Variants in POFUT3 observed in about 807,000 individuals in gnomAD.
The protein encoded by POFUT3 is GDP-fucose protein O-fucosyltransferase 3.
the POFUT3 span, among the ~76,000 whole-genome samples, chr8:33,415,207 A>G: frequency 0.24 from 37,104 of 152,118 alleles, 5,226 homozygotes; most frequent in South Asian, 0.44. Flanking sequence ...GCTTGGAATG[A>G]GCCAAGATCA....
At chr8:33,318,484 T>C in the POFUT3 span, among the ~76,000 whole-genome samples, 1 of 128,984 alleles carries the variant, frequency 7.8e-6, no homozygotes, top group Non-Finnish European at 1.6e-5. Context: ...TTATAATATA[T>C]AATGTACATA....
chr8:33,429,407 A>G, the POFUT3 span, among the ~76,000 whole-genome samples: 1 of 152,202 alleles, frequency 6.6e-6, no homozygotes, highest in African/African-American at 2.4e-5. Context: ...GTGCATAAAG[A>G]CAGAAGTTGT....
chr8:33,329,761 A>G, the POFUT3 span, among the ~76,000 whole-genome samples: 1 of 152,228 alleles, frequency 6.6e-6, no homozygotes, highest in Admixed American at 6.5e-5. Context: ...TGCCATCAGT[A>G]TAACTGTGGG....
chr8:33,432,526 A>C, the POFUT3 span, among the ~76,000 whole-genome samples: 1 of 152,098 alleles, frequency 6.6e-6, no homozygotes, highest in Non-Finnish European at 1.5e-5. Context: ...TTTCCAGGTG[A>C]TTCACATGTA....
chr8:33,420,297 A>C, the POFUT3 span, among the ~76,000 whole-genome samples: 3 of 152,208 alleles, frequency 2.0e-5, no homozygotes, highest in Non-Finnish European at 4.4e-5. Flanking sequence ...AATATACAAA[A>C]AAATGTAATT....
the POFUT3 span, among the ~76,000 whole-genome samples, chr8:33,410,033 G>A: frequency 6.6e-6 from 1 of 152,218 alleles, no homozygotes; most frequent in Non-Finnish European, 1.5e-5. Flanking sequence ...ATAGCTTCTA[G>A]CACAGAGATA....
At chr8:33,466,826 C>T in the POFUT3 span, among the ~76,000 whole-genome samples, 1 of 152,054 alleles carries the variant, frequency 6.6e-6, no homozygotes, top group South Asian at 2.1e-4. Flanking sequence ...GTGATTAGGC[C>T]GGGCATAGTG....
chr8:33,457,722 A>T, the POFUT3 span, among the ~76,000 whole-genome samples: 4 of 152,250 alleles, frequency 2.6e-5, no homozygotes, highest in East Asian at 5.8e-4. Context: ...TTGCTTTAAA[A>T]TACTCCAAAA....
the POFUT3 span, among the ~76,000 whole-genome samples, chr8:33,393,383 G>A: frequency 6.6e-6 from 1 of 152,166 alleles, no homozygotes; most frequent in Admixed American, 6.5e-5. Flanking sequence ...CAGCTAAATA[G>A]ATCTTTGGCA....
chr8:33,325,590 C>G, the POFUT3 span, among the ~76,000 whole-genome samples: 1 of 152,126 alleles, frequency 6.6e-6, no homozygotes, highest in Non-Finnish European at 1.5e-5. Context: ...ATTTCTCTAC[C>G]ACAAAGGGCA....
chr8:33,319,400 T>C, the POFUT3 span, among the ~76,000 whole-genome samples: 9 of 50,258 alleles, frequency 1.8e-4, 2 homozygotes, highest in South Asian at 4.9e-3. Flanking sequence ...TTTTTATATA[T>C]AGTATATATT....
chr8:33,373,237 C>T, the POFUT3 span, among the ~76,000 whole-genome samples: 2 of 152,120 alleles, frequency 1.3e-5, no homozygotes, highest in African/African-American at 4.8e-5. Flanking sequence ...ATACTCATTG[C>T]AAAATGTGTT....
the POFUT3 span, among the ~76,000 whole-genome samples, chr8:33,414,933 C>A: frequency 1.4e-4 from 21 of 151,290 alleles, no homozygotes; most frequent in Non-Finnish European, 2.5e-4. Context: ...TCTCTTCCCC[C>A]ATCACCAAAC....
At chr8:33,398,569 C>A in the POFUT3 span, among the ~76,000 whole-genome samples, 1 of 152,192 alleles carries the variant, frequency 6.6e-6, no homozygotes, top group Admixed American at 6.5e-5. Context: ...TGGTCAAGAT[C>A]TTTTCCTCTT....
chr8:33,460,745 C>A, the POFUT3 span: 30,860 of 984,884 alleles, frequency 0.031, 753 homozygotes, highest in African/African-American at 0.11. Context: ...CTGCCTGACA[C>A]GTCCATTCAC....
At chr8:33,331,705 T>C in the POFUT3 span, among the ~76,000 whole-genome samples, 1 of 151,492 alleles carries the variant, frequency 6.6e-6, no homozygotes, top group Non-Finnish European at 1.5e-5. Context: ...AGACGGAGTC[T>C]CGCTCTGTCG....
At chr8:33,390,134 T>C in the POFUT3 span, among the ~76,000 whole-genome samples, 1 of 152,224 alleles carries the variant, frequency 6.6e-6, no homozygotes, top group South Asian at 2.1e-4. Flanking sequence ...AGGTGAAGAT[T>C]GAGCCACTGC....
At chr8:33,471,220 T>C in the POFUT3 span, among the ~76,000 whole-genome samples, 1 of 151,170 alleles carries the variant, frequency 6.6e-6, no homozygotes, top group Admixed American at 6.6e-5. Context: ...CCGAGGTTGG[T>C]TTTTTTGTTT....
At chr8:33,451,523 TATATGC>T in the POFUT3 span, among the ~76,000 whole-genome samples, 22 of 152,210 alleles carry the variant, frequency 1.4e-4, no homozygotes, top group South Asian at 2.1e-4. Context: ...TGTACATATG[TATATGC>T]ATATGCATAT....
Sources: gnomAD v4.1 joint callset for allele counts (sites outside exome capture counted in the v4.1 genomes callset) on GRCh38, gnomAD v4.1.1 for gene constraint, MANE v1.5 for transcripts, NCBI Gene and HGNC (gene_info 2026-07-23, HGNC 2026-07-21) for gene names.